Variants in NPTXR observed in about 807,000 individuals in gnomAD.
NPTXR encodes neuronal pentraxin receptor.
A neutral mutation model predicts 32.2 loss-of-function variants in NPTXR; 12 were observed. The ratio of observed to expected loss-of-function variants is 0.37; its 90% CI spans 0.24 to 0.60. The LOEUF (loss-of-function observed/expected upper bound fraction) is 0.60, where lower values mean the gene tolerates loss of function less well. Ranked by LOEUF, NPTXR falls within the 20% of genes least tolerant of loss-of-function variation. The probability of loss-of-function intolerance (pLI) is 0.66; values close to 1 mark genes in which losing one functional copy is unlikely to be tolerated. For missense variants in NPTXR, 612 were observed against 682.9 expected (o/e 0.90, Z 1.16); for synonymous variants, 323 against 315.8 (o/e 1.02, Z -0.24).
intron 1 of NPTXR, among the ~76,000 whole-genome samples, chr22:38,839,224 A>T (rs184141170): frequency 2.6e-5 from 4 of 152,222 alleles, no homozygotes; most frequent in Non-Finnish European, 5.9e-5. Flanking sequence ...GTTGAAATTA[A>T]TCTTGAAGTT....
chr22:38,823,320 C>T (rs2093101288), intron 3 of NPTXR, 58 bp from the exon 4 acceptor site: 7 of 1,538,484 alleles, frequency 4.5e-6, no homozygotes, highest in Non-Finnish European at 6.2e-6. Context: ...AGGCCCATGG[C>T]TGAGGCAGTG....
chr22:38,830,002 CCTT>C (rs1437127070), intron 1 of NPTXR, among the ~76,000 whole-genome samples: 6 of 152,200 alleles, frequency 3.9e-5, no homozygotes, highest in African/African-American at 1.4e-4. Context: ...GTGCACTCCT[CCTT>C]AACTTCTCTG....
At position 38,828,344 on chromosome 22, in the gene NPTXR, G is replaced by T. The variant is rs2146193556; in HGVS notation, c.793C>A (p.Gln265Lys). ...ACGTCCAACTCCTTTTCCACTTCCTGCCTCTGCCGGCGGCTGCTGTGGCTG... is the reference window on the plus strand; with the variant it reads ...ACGTCCAACTCCTTTTCCACTTCCTTCCTCTGCCGGCGGCTGCTGTGGCTG... Residue 265 changes from glutamine to lysine, a missense_variant, in exon 2 of 5, where the codon CAG becomes AAG. Transcript: ENST00000333039. 1 of 1,613,386 alleles carries T rather than the reference G, an allele frequency of 6.2e-7. No homozygotes were observed.
In NPTXR at chr22:38,843,149, C is replaced by G. The variant is rs1286468031; in HGVS notation, c.624+86G>C. The G allele has an allele frequency of 8.4e-7, 1 of 1,186,456 alleles. No individual in the cohort carries two copies. Among genetic ancestry groups the G allele is most frequent in the Non-Finnish European group, 1.1e-6 (1 of 946,038 alleles). 73.5% of individuals were successfully genotyped at this position (1,186,456 alleles called of 1,614,324 possible). ...CGTCCCCGGAACACAGACGGGAGAC[C>G]GGAGGCTCGGGGACCGCCGGACGAC... On this transcript the variant is annotated intron_variant, in intron 1 of 4. Transcript: ENST00000333039. The surrounding 1 kb of genome is among the most constrained non-coding windows in gnomAD (Gnocchi z 5.3).
At chr22:38,840,378 C>A (rs5757309) in intron 1 of NPTXR, among the ~76,000 whole-genome samples, 1 of 152,116 alleles carries the variant, frequency 6.6e-6, no homozygotes, top group East Asian at 1.9e-4. Context: ...GGGGCCAGAT[C>A]CAAAGTGGTA....
At chr22:38,828,549 G>C (rs552661349) in intron 1 of NPTXR, 37 bp from the exon 2 acceptor site, 12 of 1,507,658 alleles carry the variant, frequency 8.0e-6, no homozygotes, top group African/African-American at 1.4e-5. Flanking sequence ...TCAACTGAGG[G>C]GAGGAAGGAC....
At chr22:38,835,508 G>A (rs770759786) in intron 1 of NPTXR, among the ~76,000 whole-genome samples, 3 of 152,202 alleles carry the variant, frequency 2.0e-5, no homozygotes, top group Non-Finnish European at 4.4e-5. Context: ...AGAGGGAGCA[G>A]GGATGGGGTT....
At chr22:38,826,796 G>T (rs748159826) in intron 2 of NPTXR, 49 bp from the exon 3 acceptor site, 1 of 1,579,640 alleles carries the variant, frequency 6.3e-7, no homozygotes, top group South Asian at 1.2e-5. Flanking sequence ...ACACCGAAAA[G>T]GGTGGGGTGG....
At chr22:38,841,914 G>C (rs1603246971) in intron 1 of NPTXR, among the ~76,000 whole-genome samples, 1 of 152,344 alleles carries the variant, frequency 6.6e-6, no homozygotes, top group Admixed American at 6.5e-5. Context: ...AGGTGGGTAT[G>C]GGCCCGGCTT....
chr22:38,837,555 T>G (rs879650340), intron 1 of NPTXR, among the ~76,000 whole-genome samples: 1 of 152,196 alleles, frequency 6.6e-6, no homozygotes, highest in Non-Finnish European at 1.5e-5. Context: ...TATCTGCAGA[T>G]TTCCCAGAGA....
chr22:38,828,185 C>T, intron 2 of NPTXR, 102 bp downstream of exon 2: 1 of 880,776 alleles, frequency 1.1e-6, no homozygotes, highest in South Asian at 1.5e-5. Context: ...CCCCACCCTC[C>T]AGTCTGTCGA....
In NPTXR at chr22:38,828,441, G is replaced by A; in HGVS notation, c.696C>T (p.His232=). The A allele has an allele frequency of 6.2e-7, 1 of 1,612,184 alleles. No individual in the cohort carries two copies. Among genetic ancestry groups the A allele is most frequent in the Non-Finnish European group, 8.5e-7 (1 of 1,179,582 alleles). ...GCCCCTCCAGCTGGTCCATCTTGGA[G>A]TGTAGGCCGGTGGGCACAGCAGAGA... The change falls in exon 2 of 5, where the codon CAC becomes CAT. Residue 232 remains histidine (H), a synonymous_variant. Coordinates refer to ENST00000333039, the MANE Select transcript of NPTXR (RefSeq NM_014293.4).
intron 1 of NPTXR, among the ~76,000 whole-genome samples, chr22:38,829,640 G>A (rs543497069): frequency 9.9e-5 from 15 of 152,188 alleles, no homozygotes; most frequent in African/African-American, 3.6e-4. Flanking sequence ...ACTCCCCAGG[G>A]GCCTGGGAAG....
In NPTXR at chr22:38,843,421, G is replaced by C. The variant is rs779954860; in HGVS notation, c.438C>G (p.Ala146=). 47 of 1,394,014 alleles carry C rather than the reference G, an allele frequency of 3.4e-5. No homozygotes were observed. The East Asian group carries it at 6.5e-4, about 19-fold the overall frequency. The allele number at this position is 1,394,014 out of a possible 1,614,324, so 86.4% of individuals were successfully genotyped here. ...TGAGCTCACGGATGGTGTCCTGGTC[G>C]GCGCGGATGCGCGCCTCCTGCTGCA... The change falls in exon 1 of 5, where the codon GCC becomes GCG. Residue 146 remains alanine (A), a synonymous_variant. Transcript: ENST00000333039. The surrounding 1 kb of genome is among the most constrained non-coding windows in gnomAD (Gnocchi z 5.3).
At chr22:38,832,047 G>T (rs2093117066) in intron 1 of NPTXR, among the ~76,000 whole-genome samples, 1 of 152,220 alleles carries the variant, frequency 6.6e-6, no homozygotes, top group Non-Finnish European at 1.5e-5. Context: ...AGATCTGCCA[G>T]CAAGAACAGG....
Position 38,843,529 on chromosome 22 carries a change from C to T in NPTXR, c.330G>A (p.Gly110=). The T allele has an allele frequency of 7.9e-7, 1 of 1,263,456 alleles. No individual in the cohort carries two copies. The highest frequency in any genetic ancestry group is 9.9e-7 in the Non-Finnish European group (1 of 1,005,782). 78.3% of individuals were successfully genotyped at this position (1,263,456 alleles called of 1,614,324 possible). A position where few individuals can be genotyped will look rare whatever the true frequency, so the allele number is the denominator to read the frequency against. Residue 110 remains glycine (G), a synonymous_variant, in exon 1 of 5, where the codon GGG becomes GGA. Coordinates refer to ENST00000333039, the MANE Select transcript of NPTXR (RefSeq NM_014293.4). This position sits in a 1 kb window ranked among gnomAD's most constrained non-coding sequence, Gnocchi z 5.3. Reference sequence around the variant, plus strand: ...CGCCCGGCGCAGCGCCCGCCGCGTCCCCCTGCTGGGCCCCCGACGGGCAGG... The same window carrying T: ...CGCCCGGCGCAGCGCCCGCCGCGTCTCCCTGCTGGGCCCCCGACGGGCAGG...
chr22:38,822,522 G>T lies in NPTXR; in HGVS notation c.*87C>A. Reference sequence around the variant, plus strand: ...AGGAGTGGGGCAGGAGGGAAGGCCAGTGCGTGGGCAGGCTGAGGAGGGAAT... The same window carrying T: ...AGGAGTGGGGCAGGAGGGAAGGCCATTGCGTGGGCAGGCTGAGGAGGGAAT... On this transcript the variant is annotated 3_prime_UTR_variant, in exon 5 of 5. Transcript: ENST00000333039. The T allele has an allele frequency of 8.4e-7, 1 of 1,184,022 alleles. No individual in the cohort carries two copies. The highest frequency in any genetic ancestry group is 1.2e-6 in the Non-Finnish European group (1 of 823,518). The allele number at this position is 1,184,022 out of a possible 1,614,324, so 73.3% of individuals were successfully genotyped here. A position where few individuals can be genotyped will look rare whatever the true frequency, so the allele number is the denominator to read the frequency against.
chr22:38,825,018 G>C (rs187708342), intron 3 of NPTXR, among the ~76,000 whole-genome samples: 104 of 152,326 alleles, frequency 6.8e-4, no homozygotes, highest in Non-Finnish European at 1.3e-3. Context: ...TTTCCAGGGG[G>C]GTCTCAATAG....
intron 1 of NPTXR, among the ~76,000 whole-genome samples, chr22:38,838,612 C>T (rs975272859): frequency 3.5e-5 from 5 of 141,362 alleles, no homozygotes; most frequent in Admixed American, 7.4e-5. Flanking sequence ...GATGGAGTCT[C>T]GCTCTGTCGC....
Sources: gnomAD v4.1 joint callset for allele counts (sites outside exome capture counted in the v4.1 genomes callset) on GRCh38, gnomAD v4.1.1 for gene constraint, Gnocchi (gnomAD v3.1) non-coding constraint, MANE v1.5 for transcripts, NCBI Gene and HGNC (gene_info 2026-07-23, HGNC 2026-07-21) for gene names.